The following RGS8 variants were observed in gnomAD, a reference collection of about 807,000 sequenced individuals.
RGS8 encodes the protein regulator of G-protein signaling 8.
Under a neutral mutation model 21.7 loss-of-function variants are expected in RGS8, and 8 were observed. That is an observed-to-expected ratio of 0.37 (90% CI 0.22 to 0.66). RGS8 has a LOEUF of 0.66. RGS8 is among the 30% of genes least tolerant of loss of function. The pLI is 0.59. For synonymous variants in RGS8, 80 were observed against 83.6 expected (o/e 0.96, Z 0.24); for missense variants, 157 against 217.9 (o/e 0.72, Z 1.76).
chr1:182,745,255 C>A, the RGS8 span, among the ~76,000 whole-genome samples: 1 of 152,158 alleles, frequency 6.6e-6, no homozygotes, highest in African/African-American at 2.4e-5. Context: ...ACATAAGCTT[C>A]CCTTTGCCCT....
exon 7 of RGS8, chr1:182,646,368 C>G: frequency 5.6e-6 from 1 of 178,748 alleles, no homozygotes; most frequent in Non-Finnish European, 1.2e-5. Flanking sequence ...GGAATCCTAA[C>G]CGAGGAGGGT....
upstream of RGS8, chr1:182,684,674 A>T (rs1280183094): frequency 6.6e-6 from 1 of 152,170 alleles, no homozygotes; most frequent in Non-Finnish European, 1.5e-5. The surrounding 1 kb of genome is among the most constrained non-coding windows in gnomAD (Gnocchi z 4.2). Context: ...GAGTCGGGGG[A>T]GGACCGCAGG....
chr1:182,685,953 C>T (rs1423666766), upstream of RGS8, among the ~76,000 whole-genome samples: 2 of 152,126 alleles, frequency 1.3e-5, no homozygotes, highest in Admixed American at 1.3e-4. Flanking sequence ...GTGAGTTAAG[C>T]ACTCACAGAG....
At chr1:182,650,190 G>A (rs1033851075) in intron 5 of RGS8, among the ~76,000 whole-genome samples, 2 of 152,132 alleles carry the variant, frequency 1.3e-5, no homozygotes, top group South Asian at 2.1e-4. Context: ...GATTACAGGC[G>A]TGAGCCACCA....
chr1:182,702,988 G>T, the RGS8 span, among the ~76,000 whole-genome samples: 6 of 152,178 alleles, frequency 3.9e-5, no homozygotes, highest in African/African-American at 7.2e-5. Context: ...GGAACACTTG[G>T]ATTGTTTCCA....
chr1:182,665,576 G>T lies in RGS8; in HGVS notation c.193+393C>A, dbSNP rs554928899. Among the ~76,000 whole-genome samples, 5 of 152,278 alleles carry T rather than the reference G, an allele frequency of 3.3e-5. No individual in the cohort carries two copies. The South Asian group carries it at 1.0e-3, about 32-fold the overall frequency. Reference sequence around the variant, plus strand: ...TGCACAAAATATTCATTTGACTGATGCATAGCCCAAGACTCTCCCATAATT... The same window carrying T: ...TGCACAAAATATTCATTTGACTGATTCATAGCCCAAGACTCTCCCATAATT... On this transcript the variant is annotated intron_variant, in intron 5 of 6. Coordinates refer to ENST00000483095, the Ensembl canonical transcript of RGS8.
the RGS8 span, among the ~76,000 whole-genome samples, chr1:182,748,532 G>T: frequency 6.6e-6 from 1 of 152,158 alleles, no homozygotes; most frequent in African/African-American, 2.4e-5. Flanking sequence ...TTGATTCCAT[G>T]TCTTGGCTAT....
chr1:182,663,231 C>T (rs1663688609), intron 5 of RGS8, among the ~76,000 whole-genome samples: 1 of 152,126 alleles, frequency 6.6e-6, no homozygotes, highest in Non-Finnish European at 1.5e-5. Context: ...GTCACAATAC[C>T]AACTCAAATT....
the RGS8 span, among the ~76,000 whole-genome samples, chr1:182,736,644 G>A: frequency 6.6e-6 from 1 of 152,216 alleles, no homozygotes; most frequent in Non-Finnish European, 1.5e-5. Flanking sequence ...AGCAGTAGGA[G>A]TCCAACATAG....
chr1:182,747,813 T>C, the RGS8 span, among the ~76,000 whole-genome samples: 90,380 of 150,514 alleles, frequency 0.6, 27,236 homozygotes, highest in Non-Finnish European at 0.62. Flanking sequence ...ACCTGCCTGG[T>C]CAATGTGGCG....
At chr1:182,687,917 T>C (rs1664741917), upstream of RGS8, among the ~76,000 whole-genome samples, 1 of 152,226 alleles carries the variant, frequency 6.6e-6, no homozygotes, top group African/African-American at 2.4e-5. Flanking sequence ...ACCAAGGAAC[T>C]CCACCATTTC....
intron 5 of RGS8, among the ~76,000 whole-genome samples, chr1:182,655,902 C>T (rs766215970): frequency 9.2e-5 from 14 of 152,212 alleles, no homozygotes; most frequent in Non-Finnish European, 2.1e-4. Flanking sequence ...TACATCAACG[C>T]TCCTAAGCAG....
chr1:182,643,718 T>C (rs1315516194), downstream of RGS8: 1 of 152,238 alleles, frequency 6.6e-6, no homozygotes, highest in Non-Finnish European at 1.5e-5. Flanking sequence ...TGAGAAGGAC[T>C]GCCTCAGAGG....
At chr1:182,728,399 A>G in the RGS8 span, among the ~76,000 whole-genome samples, 552 of 152,366 alleles carry the variant, frequency 3.6e-3, 8 homozygotes, top group African/African-American at 0.013. Context: ...AATCATTTCA[A>G]TATGAACCTT....
At chr1:182,740,159 T>C in the RGS8 span, among the ~76,000 whole-genome samples, 15 of 152,232 alleles carry the variant, frequency 9.9e-5, no homozygotes, top group Admixed American at 5.9e-4. Flanking sequence ...ACATGTTGTG[T>C]TGCAGTCCAA....
chr1:182,722,283 T>C, the RGS8 span, among the ~76,000 whole-genome samples: 179 of 142,682 alleles, frequency 1.3e-3, no homozygotes, highest in Middle Eastern at 3.9e-3. Flanking sequence ...AGTAATTTGG[T>C]CACCTAATTG....
At chr1:182,744,070 A>T in the RGS8 span, among the ~76,000 whole-genome samples, 2 of 152,204 alleles carry the variant, frequency 1.3e-5, no homozygotes, top group Non-Finnish European at 2.9e-5. Flanking sequence ...GTCCCAGAAC[A>T]ACTCCTGACT....
At chr1:182,663,146 C>G (rs142216644) in intron 5 of RGS8, among the ~76,000 whole-genome samples, 22 of 152,166 alleles carry the variant, frequency 1.4e-4, no homozygotes, top group Non-Finnish European at 3.1e-4. Flanking sequence ...CCACAAACCT[C>G]TGATCAACAC....
rs199502333 is a variant in RGS8 at position 182,646,718 on chromosome 1, G to A, written c.*17C>T. The A allele has an allele frequency of 7.2e-5, 115 of 1,595,460 alleles. No individual in the cohort carries two copies. In the African/African-American group the frequency reaches 1.3e-3, roughly 18 times the overall value. ...GGAGGGGAAAGCCGGTGATTTCCAG[G>A]AGTTCCCTTCTGAGGTCTAACTGAG... On this transcript the variant is annotated 3_prime_UTR_variant, in exon 7 of 7. Transcript: ENST00000483095.
Sources: gnomAD v4.1 joint callset for allele counts (sites outside exome capture counted in the v4.1 genomes callset) on GRCh38, gnomAD v4.1.1 for gene constraint, Gnocchi (gnomAD v3.1) non-coding constraint, MANE v1.5 for transcripts, NCBI Gene and HGNC (gene_info 2026-07-23, HGNC 2026-07-21) for gene names.